Variants in USH2A observed in about 807,000 individuals in gnomAD.
The protein encoded by USH2A is Usher syndrome 2A (autosomal recessive, mild).
A neutral mutation model predicts 538.9 loss-of-function variants in USH2A; 443 were observed. That is an observed-to-expected ratio of 0.82 (90% CI 0.76 to 0.89). USH2A has a LOEUF of 0.89. Ranked by LOEUF, USH2A falls within the 40% of genes least tolerant of loss-of-function variation. The pLI, the probability that USH2A is intolerant of heterozygous loss-of-function variation, is 0.00. For missense variants in USH2A, 6,633 were observed against 6,324.8 expected (o/e 1.05, Z -1.65); for synonymous variants, 2,413 against 2,273.5 (o/e 1.06, Z -1.75).
intron 29 of USH2A, among the ~76,000 whole-genome samples, chr1:216,070,531 C>A (rs1269431453): frequency 6.6e-6 from 1 of 152,028 alleles, no homozygotes; most frequent in African/African-American, 2.4e-5. Flanking sequence ...CAAGTCTAGT[C>A]CAGGTTTTCC....
At chr1:215,878,245 C>T (rs147081851) in intron 42 of USH2A, among the ~76,000 whole-genome samples, 9 of 152,066 alleles carry the variant, frequency 5.9e-5, no homozygotes, top group African/African-American at 1.4e-4. Context: ...ACTTTATAAA[C>T]GATGATAATA....
chr1:216,193,613 A>T (rs2034768034), intron 19 of USH2A, among the ~76,000 whole-genome samples: 1 of 152,084 alleles, frequency 6.6e-6, no homozygotes, highest in Non-Finnish European at 1.5e-5. Context: ...TTAAAATCCA[A>T]TGACTGGTAT....
At chr1:216,327,251 A>G (rs2037751961) in intron 5 of USH2A, among the ~76,000 whole-genome samples, 1 of 152,182 alleles carries the variant, frequency 6.6e-6, no homozygotes. Flanking sequence ...AAAAAGGCAG[A>G]TGTAGAAGTT....
intron 55 of USH2A, among the ~76,000 whole-genome samples, chr1:215,777,004 G>T (rs1661485615): frequency 6.6e-6 from 1 of 151,986 alleles, no homozygotes; most frequent in African/African-American, 2.4e-5. Flanking sequence ...GCTGTATTGG[G>T]CAAGTGAAAT....
intron 46 of USH2A, among the ~76,000 whole-genome samples, chr1:215,838,392 A>G (rs1331731007): frequency 6.6e-6 from 1 of 152,208 alleles, no homozygotes; most frequent in African/African-American, 2.4e-5. Flanking sequence ...ACTGAAGAGC[A>G]TAGTCAAGGA....
chr1:216,276,379 T>C (rs1356797400), intron 11 of USH2A, among the ~76,000 whole-genome samples: 1 of 152,008 alleles, frequency 6.6e-6, no homozygotes, highest in Non-Finnish European at 1.5e-5. Flanking sequence ...AAACAACATG[T>C]GGGTAAGTCA....
chr1:216,287,403 A>G (rs1284080772), intron 11 of USH2A, among the ~76,000 whole-genome samples: 5 of 152,232 alleles, frequency 3.3e-5, no homozygotes, highest in African/African-American at 1.2e-4. Flanking sequence ...AGATGTTAAG[A>G]AAGAAATCTA....
intron 44 of USH2A, among the ~76,000 whole-genome samples, chr1:215,864,071 C>A (rs1664403073): frequency 6.6e-6 from 1 of 152,178 alleles, no homozygotes; most frequent in South Asian, 2.1e-4. Flanking sequence ...TCAAAGGAGG[C>A]ACTATCTCTC....
chr1:216,120,651 C>A (rs948181767), intron 21 of USH2A, among the ~76,000 whole-genome samples: 1 of 151,842 alleles, frequency 6.6e-6, no homozygotes, highest in African/African-American at 2.4e-5. Context: ...AGTGCTAGGA[C>A]CACAAGGGCG....
chr1:216,314,311 T>C (rs907353783), intron 9 of USH2A, among the ~76,000 whole-genome samples: 9 of 152,164 alleles, frequency 5.9e-5, no homozygotes, highest in African/African-American at 1.7e-4. Flanking sequence ...AGATTAATAA[T>C]ATCATCATGT....
intron 68 of USH2A, 95 bp downstream of exon 68, chr1:215,640,462 TG>T: frequency 1.3e-6 from 2 of 1,509,378 alleles, no homozygotes; most frequent in Non-Finnish European, 1.8e-6. Flanking sequence ...GACATTTTAA[TG>T]GTGAGCATCT....
intron 51 of USH2A, among the ~76,000 whole-genome samples, chr1:215,787,397 T>A (rs1273888092): frequency 6.6e-6 from 1 of 152,198 alleles, no homozygotes; most frequent in Non-Finnish European, 1.5e-5. Context: ...ATTAGAAGTA[T>A]TACTGATCCA....
At chr1:215,773,521 T>C (rs1661360285) in intron 55 of USH2A, among the ~76,000 whole-genome samples, 1 of 151,606 alleles carries the variant, frequency 6.6e-6, no homozygotes, top group Non-Finnish European at 1.5e-5. Context: ...TGTCTCTCTC[T>C]CTCTCTCTCT....
intron 21 of USH2A, among the ~76,000 whole-genome samples, chr1:216,146,953 T>C (rs1455731084): frequency 1.3e-5 from 2 of 152,142 alleles, no homozygotes; most frequent in Non-Finnish European, 2.9e-5. Context: ...CGACAGTAGT[T>C]CCAAATAGCC....
chr1:216,019,226 T>C (rs577530660), intron 32 of USH2A, among the ~76,000 whole-genome samples: 1 of 152,120 alleles, frequency 6.6e-6, no homozygotes, highest in South Asian at 2.1e-4. Flanking sequence ...ACATTCTGGA[T>C]GGGAAGAGTT....
intron 61 of USH2A, among the ~76,000 whole-genome samples, chr1:215,705,716 G>C (rs974549843): frequency 1.3e-5 from 2 of 152,164 alleles, no homozygotes; most frequent in African/African-American, 4.8e-5. Flanking sequence ...AACTAAAGAT[G>C]GTAGGGGGCA....
chr1:216,242,297 G>A (rs1206031676), intron 13 of USH2A, among the ~76,000 whole-genome samples: 1 of 151,274 alleles, frequency 6.6e-6, no homozygotes, highest in Non-Finnish European at 1.5e-5. Context: ...GCAGTGAGCC[G>A]AGACTGCGCC....
At chr1:215,930,411 A>G (rs1666334716) in intron 38 of USH2A, among the ~76,000 whole-genome samples, 2 of 151,938 alleles carry the variant, frequency 1.3e-5, no homozygotes, top group South Asian at 4.2e-4. Context: ...TGGAAAAAAA[A>G]AGGTTTAAGT....
chr1:215,984,517 G>C lies in USH2A; in HGVS notation c.6805+8503C>G, dbSNP rs939042492. 3.3e-5 allele frequency among the ~76,000 whole-genome samples: 5 copies of C among 152,166 alleles called. No individual in the cohort carries two copies. In the East Asian group the frequency reaches 9.7e-4, roughly 29 times the overall value. ...TAAGGTGTTTAATTTTCACAGGGAA[G>C]CTGGATGATAATTGTCCATAAAGCA... On this transcript the variant is annotated intron_variant, in intron 35 of 71. Coordinates refer to ENST00000307340, the MANE Select transcript of USH2A (RefSeq NM_206933.4).
Sources: gnomAD v4.1 joint callset for allele counts (sites outside exome capture counted in the v4.1 genomes callset) on GRCh38, gnomAD v4.1.1 for gene constraint, MANE v1.5 for transcripts, NCBI Gene and HGNC (gene_info 2026-07-23, HGNC 2026-07-21) for gene names.